TSHZ2: variants seen among roughly 807,000 people sequenced by gnomAD.
TSHZ2 encodes the protein teashirt homolog 2.
TSHZ2 carries 21 observed loss-of-function variants against 74.4 expected under a neutral mutation model. The ratio of observed to expected loss-of-function variants is 0.28; its 90% CI spans 0.20 to 0.41. TSHZ2 has a LOEUF of 0.41. TSHZ2 is among the 10% of genes least tolerant of loss of function. The pLI, the probability that TSHZ2 is intolerant of heterozygous loss-of-function variation, is 1.00. For synonymous variants in TSHZ2, 540 were observed against 515.3 expected, an observed-to-expected ratio of 1.05 and a Z score of -0.65; for missense variants, 1,244 against 1,293.5, an observed-to-expected ratio of 0.96 and a Z score of 0.59.
intron 2 of TSHZ2, among the ~76,000 whole-genome samples, chr20:53,267,020 T>C (rs1163632894): frequency 6.6e-6 from 1 of 152,170 alleles, no homozygotes; most frequent in Non-Finnish European, 1.5e-5. Flanking sequence ...TCAGGTGATT[T>C]GCCTGCCTCA....
chr20:53,348,570 A>G (rs968607279), intron 2 of TSHZ2, among the ~76,000 whole-genome samples: 17 of 152,202 alleles, frequency 1.1e-4, no homozygotes, highest in African/African-American at 3.9e-4. Flanking sequence ...AAAGAAACAA[A>G]GAAACAAAAA....
At chr20:53,072,121 G>A (rs1985194580) in intron 1 of TSHZ2, among the ~76,000 whole-genome samples, 1 of 152,220 alleles carries the variant, frequency 6.6e-6, no homozygotes, top group African/African-American at 2.4e-5. Context: ...GGAATATTCT[G>A]TGCTATGCTG....
chr20:53,153,401 G>C (rs988054236), intron 1 of TSHZ2, among the ~76,000 whole-genome samples: 4 of 152,150 alleles, frequency 2.6e-5, no homozygotes, highest in Admixed American at 1.3e-4. Flanking sequence ...GCTTGGTCAA[G>C]GCTGTAGATG....
intron 1 of TSHZ2, chr20:53,178,939 A>C (rs1044846629): frequency 6.6e-6 from 1 of 152,222 alleles, no homozygotes; most frequent in African/African-American, 2.4e-5. Context: ...AAGTTTTCAT[A>C]AGCACTTTGC....
chr20:53,043,888 C>G (rs573325596), intron 1 of TSHZ2, among the ~76,000 whole-genome samples: 1 of 152,214 alleles, frequency 6.6e-6, no homozygotes, highest in Non-Finnish European at 1.5e-5. Flanking sequence ...TATTAAATTG[C>G]TTAATCTCAA....
chr20:52,991,258 A>G (rs1295674314), intron 1 of TSHZ2, among the ~76,000 whole-genome samples: 1 of 145,838 alleles, frequency 6.9e-6, no homozygotes, highest in East Asian at 2.0e-4. Context: ...GGGGGGAGAG[A>G]GTGTGAAAGC....
chr20:53,220,205 T>C (rs1480589762), intron 1 of TSHZ2, among the ~76,000 whole-genome samples: 1 of 152,224 alleles, frequency 6.6e-6, no homozygotes, highest in Admixed American at 6.5e-5. Flanking sequence ...TTTTAAACTT[T>C]CATTTTTCTT....
intron 2 of TSHZ2, among the ~76,000 whole-genome samples, chr20:53,267,385 C>T (rs1262091507): frequency 6.6e-6 from 1 of 152,220 alleles, no homozygotes; most frequent in Non-Finnish European, 1.5e-5. Context: ...TGAAATGAGG[C>T]TCCAGTGATG....
In TSHZ2 at chr20:53,113,128, C is replaced by T. The variant is rs1986578564; in HGVS notation, c.40+139795C>T. ...CATGGAGGCGGACTGCAGAAGAAGT[C>T]AGGTGTCAGGGAAATAGAAATAGGT... On this transcript the variant is annotated intron_variant, in intron 1 of 2. Transcript: ENST00000371497. Among the ~76,000 whole-genome samples the T allele has an allele frequency of 2.0e-5, 3 of 152,190 alleles. No homozygotes were observed. In the South Asian group the frequency reaches 6.2e-4, roughly 32 times the overall value.
At chr20:53,137,747 G>C (rs540556961) in intron 1 of TSHZ2, among the ~76,000 whole-genome samples, 99 of 152,196 alleles carry the variant, frequency 6.5e-4, no homozygotes, top group Admixed American at 1.0e-3. Flanking sequence ...TTGGCAACAG[G>C]AGCATCTTTG....
At chr20:53,228,612 T>G (rs1156584441) in intron 1 of TSHZ2, among the ~76,000 whole-genome samples, 1 of 151,090 alleles carries the variant, frequency 6.6e-6, no homozygotes, top group African/African-American at 2.4e-5. Flanking sequence ...ACCTCCCGAG[T>G]TGAGACAACC....
intron 1 of TSHZ2, among the ~76,000 whole-genome samples, chr20:53,017,620 C>T (rs1263485847): frequency 6.6e-6 from 1 of 152,078 alleles, no homozygotes; most frequent in East Asian, 1.9e-4. Context: ...GAAAGCAGTA[C>T]ACAATTAATG....
intron 1 of TSHZ2, among the ~76,000 whole-genome samples, chr20:53,146,856 G>C (rs1217407812): frequency 6.6e-6 from 1 of 152,144 alleles, no homozygotes; most frequent in Non-Finnish European, 1.5e-5. Context: ...TGAAGGATAG[G>C]TACTCTCATT....
rs545945063 is a variant in TSHZ2 at position 52,988,285 on chromosome 20, G to A, written c.40+14952G>A. 2.0e-5 allele frequency among the ~76,000 whole-genome samples: 3 copies of A among 152,100 alleles called. No individual in the cohort carries two copies. In the East Asian group the frequency reaches 5.8e-4, roughly 29 times the overall value. ...GGTTGTTTATATACAATCTCTCCCC[G>A]AGACATCCTGTAAGCTGGTTATGAT... is the stretch of plus-strand genomic sequence containing the variant. On this transcript the variant is annotated intron_variant, in intron 1 of 2. Coordinates refer to ENST00000371497, the MANE Select transcript of TSHZ2 (RefSeq NM_173485.6).
chr20:53,073,541 C>T (rs1985268313), intron 1 of TSHZ2, among the ~76,000 whole-genome samples: 1 of 152,162 alleles, frequency 6.6e-6, no homozygotes, highest in Admixed American at 6.5e-5. Context: ...TTTCTAGATG[C>T]TGGGCTACTG....
intron 1 of TSHZ2, among the ~76,000 whole-genome samples, chr20:52,986,285 C>T (rs1408322110): frequency 6.6e-6 from 1 of 151,512 alleles, no homozygotes; most frequent in Admixed American, 6.6e-5. Context: ...GCCTGTAAAC[C>T]CAGCTACTCA....
chr20:53,387,926 G>T (rs564880712), intron 2 of TSHZ2, among the ~76,000 whole-genome samples: 4 of 151,970 alleles, frequency 2.6e-5, no homozygotes, highest in Non-Finnish European at 5.9e-5. Flanking sequence ...GCATGCGCCT[G>T]TAGTCCCAGC....
At chr20:52,976,169 T>C (rs1487598053) in intron 1 of TSHZ2, among the ~76,000 whole-genome samples, 2 of 152,236 alleles carry the variant, frequency 1.3e-5, no homozygotes, top group Non-Finnish European at 2.9e-5. Context: ...CTAAACAGAA[T>C]AAACAAGATG....
At chr20:53,156,283 T>C (rs1326613932) in intron 1 of TSHZ2, among the ~76,000 whole-genome samples, 3 of 152,246 alleles carry the variant, frequency 2.0e-5, no homozygotes, top group Admixed American at 1.3e-4. Context: ...AACATATGTC[T>C]CTGTGGAAGA....
Sources: allele counts gnomAD v4.1 joint callset (sites outside exome capture counted in the v4.1 genomes callset), GRCh38; gene constraint gnomAD v4.1.1; transcripts MANE v1.5; gene names NCBI Gene and HGNC (gene_info 2026-07-23, HGNC 2026-07-21).